The following STX8 variants were observed in gnomAD, a reference collection of about 807,000 sequenced individuals.
STX8 encodes syntaxin 8.
A neutral mutation model predicts 37.5 loss-of-function variants in STX8; 23 were observed. The ratio of observed to expected loss-of-function variants is 0.61; its 90% CI spans 0.44 to 0.87. The LOEUF (loss-of-function observed/expected upper bound fraction) is 0.87. STX8 is among the 40% of genes least tolerant of loss of function. The pLI, the probability that STX8 is intolerant of heterozygous loss-of-function variation, is 0.00. For missense variants in STX8, 313 were observed against 284.7 expected (o/e 1.10, Z -0.71); for synonymous variants, 115 against 99.1 (o/e 1.16, Z -0.95).
intron 6 of STX8, among the ~76,000 whole-genome samples, chr17:9,403,836 C>T (rs1471327936): frequency 6.6e-6 from 1 of 151,868 alleles, no homozygotes; most frequent in African/African-American, 2.4e-5. Flanking sequence ...TTAGTAGAGA[C>T]GGGGTTTCAC....
chr17:9,441,248 T>C (rs540704896), intron 6 of STX8, among the ~76,000 whole-genome samples: 136 of 152,120 alleles, frequency 8.9e-4, no homozygotes, highest in African/African-American at 3.2e-3. Context: ...TCCCAGCACT[T>C]TGGGAGGCCA....
At chr17:9,260,346 G>C (rs1204179906) in intron 7 of STX8, among the ~76,000 whole-genome samples, 2 of 151,804 alleles carry the variant, frequency 1.3e-5, no homozygotes, top group African/African-American at 4.8e-5. Flanking sequence ...CAAGAAGGCC[G>C]GGCGCGGTGG....
intron 6 of STX8, among the ~76,000 whole-genome samples, chr17:9,420,591 C>CAT (rs1158268369): frequency 3.9e-5 from 6 of 152,186 alleles, no homozygotes; most frequent in African/African-American, 1.4e-4. Flanking sequence ...AACCAGCCTT[C>CAT]ATGCTCATGC....
intron 7 of STX8, among the ~76,000 whole-genome samples, chr17:9,344,346 T>TG (rs1234394438): frequency 2.0e-5 from 3 of 151,912 alleles, no homozygotes; most frequent in African/African-American, 2.4e-5. Context: ...CTGCAACCTC[T>TG]GCTTCCTGGG....
intron 7 of STX8, among the ~76,000 whole-genome samples, chr17:9,268,443 G>A (rs1177988393): frequency 1.3e-5 from 2 of 152,204 alleles, no homozygotes; most frequent in African/African-American, 2.4e-5. Flanking sequence ...CTGACCCCGA[G>A]CACATGGTAT....
chr17:9,270,467 GA>G (rs1907414073), intron 7 of STX8, among the ~76,000 whole-genome samples: 2 of 152,024 alleles, frequency 1.3e-5, no homozygotes, highest in South Asian at 2.1e-4. Flanking sequence ...TGTTAGCCAG[GA>G]ATGGTCTGAT....
intron 7 of STX8, among the ~76,000 whole-genome samples, chr17:9,350,201 T>C (rs1419313428): frequency 6.6e-6 from 1 of 150,474 alleles, no homozygotes; most frequent in African/African-American, 2.4e-5. Context: ...GTATACAGCG[T>C]GGATACGCTG....
intron 7 of STX8, among the ~76,000 whole-genome samples, chr17:9,363,832 G>A (rs571383650): frequency 6.6e-6 from 1 of 152,286 alleles, no homozygotes; most frequent in East Asian, 1.9e-4. Flanking sequence ...ATTACAAAGA[G>A]TGTGGAGGTC....
chr17:9,502,978 C>G (rs950516222), intron 5 of STX8, among the ~76,000 whole-genome samples: 1 of 151,564 alleles, frequency 6.6e-6, no homozygotes. Context: ...TGATGGCGGG[C>G]GCCCGTAATC....
At chr17:9,442,883 G>A (rs943687748) in intron 6 of STX8, among the ~76,000 whole-genome samples, 3 of 152,100 alleles carry the variant, frequency 2.0e-5, no homozygotes, top group Admixed American at 6.6e-5. Flanking sequence ...ATATCCTCTT[G>A]GGACTCATTA....
At chr17:9,555,320 C>G (rs564100194) in intron 3 of STX8, 40 of 152,224 alleles carry the variant, frequency 2.6e-4, no homozygotes, top group African/African-American at 9.4e-4. Context: ...TCTTAGTACT[C>G]TCTAATAACT....
At chr17:9,563,272 T>C (rs1456186035) in intron 2 of STX8, among the ~76,000 whole-genome samples, 1 of 152,020 alleles carries the variant, frequency 6.6e-6, no homozygotes, top group Non-Finnish European at 1.5e-5. Flanking sequence ...AACCTCCGCC[T>C]CCTGAGTTCA....
chr17:9,484,047 C>T (rs1597700688), intron 6 of STX8, among the ~76,000 whole-genome samples: 1 of 152,142 alleles, frequency 6.6e-6, no homozygotes, highest in South Asian at 2.1e-4. Flanking sequence ...AATTTAGCAA[C>T]CATGTAGTAA....
At chr17:9,566,787 C>T (rs542554212) in intron 2 of STX8, among the ~76,000 whole-genome samples, 46 of 148,048 alleles carry the variant, frequency 3.1e-4, no homozygotes, top group Non-Finnish European at 5.1e-4. Context: ...AACTCCGTCT[C>T]GAAAAAAAAA....
chr17:9,448,143 C>G (rs2142397630), intron 6 of STX8, among the ~76,000 whole-genome samples: 1 of 148,000 alleles, frequency 6.8e-6, no homozygotes, highest in South Asian at 2.2e-4. Context: ...CCATTGCACT[C>G]CAGCCTGGGC....
chr17:9,453,175 C>T (rs16958295), intron 6 of STX8, among the ~76,000 whole-genome samples: 5,155 of 151,964 alleles, frequency 0.034, 260 homozygotes, highest in African/African-American at 0.098. Context: ...TGTGGGGATC[C>T]GAAAGGTTAA....
intron 7 of STX8, among the ~76,000 whole-genome samples, chr17:9,253,670 G>C (rs72814125): frequency 0.21 from 31,979 of 151,968 alleles, 4,004 homozygotes; most frequent in Non-Finnish European, 0.29. Context: ...TTAGGAAGAG[G>C]TACTGCTCCT....
At chr17:9,274,717 A>T (rs1451750670) in intron 7 of STX8, among the ~76,000 whole-genome samples, 1 of 68,532 alleles carries the variant, frequency 1.5e-5, no homozygotes, top group Non-Finnish European at 3.5e-5. Context: ...ATAATAATAA[A>T]CAAAGTCTTC....
At chr17:9,479,633 T>C (rs945148168) in intron 6 of STX8, among the ~76,000 whole-genome samples, 4 of 148,982 alleles carry the variant, frequency 2.7e-5, no homozygotes, top group South Asian at 4.2e-4. Context: ...ATATATAATA[T>C]ATATAAATTA....
Sources: allele counts gnomAD v4.1 joint callset (sites outside exome capture counted in the v4.1 genomes callset), GRCh38; gene constraint gnomAD v4.1.1; transcripts MANE v1.5; gene names NCBI Gene and HGNC (gene_info 2026-07-23, HGNC 2026-07-21).